TPX2: variants seen among roughly 807,000 people sequenced by gnomAD.
TPX2 encodes the protein targeting protein for Xklp2.
Under a neutral mutation model 93.6 loss-of-function variants are expected in TPX2, and 21 were observed. The ratio of observed to expected loss-of-function variants is 0.22; its 90% confidence interval spans 0.16 to 0.32. TPX2 has a LOEUF of 0.32. TPX2 is among the 10% of genes least tolerant of loss of function. The pLI is 1.00. For missense variants in TPX2, 776 were observed against 871.1 expected (o/e 0.89, Z 1.37); for synonymous variants, 281 against 298.3 (o/e 0.94, Z 0.60).
At chr20:31,797,108 G>T (rs2062143415) in intron 15 of TPX2, among the ~76,000 whole-genome samples, 1 of 146,762 alleles carries the variant, frequency 6.8e-6, no homozygotes, top group Non-Finnish European at 1.5e-5. Context: ...ATAATAATAA[G>T]AAAAATAAAT....
intron 11 of TPX2, 24 bp downstream of exon 11, chr20:31,782,414 A>C: frequency 6.3e-7 from 1 of 1,585,506 alleles, no homozygotes; most frequent in Non-Finnish European, 8.6e-7. Context: ...GCAGTATCTG[A>C]GGAAGAGTTC....
At chr20:31,787,316 GT>G (rs1190698573) in intron 12 of TPX2, among the ~76,000 whole-genome samples, 1 of 150,840 alleles carries the variant, frequency 6.6e-6, no homozygotes, top group Non-Finnish European at 1.5e-5. Flanking sequence ...GGCAAATGAG[GT>G]TTCTGAGTTT....
At chr20:31,743,726 G>GTTTT (rs557157321) in intron 2 of TPX2, among the ~76,000 whole-genome samples, 5 of 134,626 alleles carry the variant, frequency 3.7e-5, no homozygotes, top group African/African-American at 5.5e-5. Context: ...TACAGATGCA[G>GTTTT]TTTTTTTTTT....
At chr20:31,794,123 T>G (rs1279287488) in intron 14 of TPX2, 99 bp downstream of exon 14, 1 of 1,273,830 alleles carries the variant, frequency 7.9e-7, no homozygotes, top group East Asian at 2.4e-5. Flanking sequence ...CACTGACTTC[T>G]TTTGATCTTT....
intron 5 of TPX2, among the ~76,000 whole-genome samples, chr20:31,768,044 G>A (rs550922913): frequency 9.9e-5 from 15 of 151,286 alleles, no homozygotes; most frequent in African/African-American, 3.4e-4. Flanking sequence ...CAATCCTTCT[G>A]CCTTAGCCTC....
intron 2 of TPX2, among the ~76,000 whole-genome samples, chr20:31,755,883 G>A (rs999215506): frequency 3.3e-5 from 5 of 152,162 alleles, no homozygotes; most frequent in Admixed American, 6.5e-5. Context: ...TTAGGCTTGA[G>A]TAGGAGCTGA....
At chr20:31,782,881 TACACACATACAC>T (rs1243670335) in intron 11 of TPX2, among the ~76,000 whole-genome samples, 1 of 94,716 alleles carries the variant, frequency 1.1e-5, no homozygotes, top group Non-Finnish European at 2.1e-5. Context: ...GTCTTGCACA[TACACACATACAC>T]ACACACACAC....
chr20:31,788,701 C>G (rs1247442403), intron 12 of TPX2, among the ~76,000 whole-genome samples: 1 of 151,986 alleles, frequency 6.6e-6, no homozygotes, highest in African/African-American at 2.4e-5. Context: ...AAAAGGACTC[C>G]TGGGGCAGAG....
chr20:31,764,468 C>T (rs896894369), intron 4 of TPX2, among the ~76,000 whole-genome samples: 2 of 152,060 alleles, frequency 1.3e-5, no homozygotes, highest in Non-Finnish European at 2.9e-5. Context: ...GTGCCTGGCC[C>T]CACTTTAACA....
intron 7 of TPX2, among the ~76,000 whole-genome samples, chr20:31,772,809 A>G (rs978473470): frequency 6.6e-6 from 1 of 152,112 alleles, no homozygotes; most frequent in African/African-American, 2.4e-5. Flanking sequence ...CATGATTATA[A>G]GTACTCAGTC....
intron 5 of TPX2, among the ~76,000 whole-genome samples, chr20:31,769,411 C>G (rs190460872): frequency 9.9e-5 from 15 of 151,168 alleles, no homozygotes; most frequent in Non-Finnish European, 2.1e-4. Flanking sequence ...CTCCGCCTCC[C>G]GGGTTCACGC....
intron 17 of TPX2, among the ~76,000 whole-genome samples, chr20:31,800,357 A>G (rs1437617622): frequency 6.6e-6 from 1 of 152,078 alleles, no homozygotes; most frequent in African/African-American, 2.4e-5. Flanking sequence ...CCATTATAGA[A>G]CTGCTTCTTG....
chr20:31,794,015 G>C lies in TPX2; in HGVS notation c.1677G>C (p.Gln559His), dbSNP rs774434215. 1.9e-6 allele frequency: 3 copies of C among 1,611,144 alleles called. No individual in the cohort carries two copies. Among genetic ancestry groups the C allele is most frequent in the Admixed American group, 3.4e-5 (2 of 59,302 alleles). Residue 559 changes from glutamine (Q) to histidine (H), a missense_variant, in exon 14 of 18, where the codon CAG becomes CAC. Gln to His is a conservative substitution (Grantham distance 24). Transcript: ENST00000300403. ...AGGAGAAGAAAATAAAAGAACTGCAGAAAGGGGAGGTAGGTGTTTCCATTT... is the reference window on the plus strand; with the variant it reads ...AGGAGAAGAAAATAAAAGAACTGCACAAAGGGGAGGTAGGTGTTTCCATTT... ...LQKEKKIKEL[Q>H]KGEVPKFKAL...
intron 8 of TPX2, among the ~76,000 whole-genome samples, chr20:31,776,320 TC>T (rs1458803655): frequency 2.0e-5 from 3 of 151,848 alleles, no homozygotes; most frequent in Admixed American, 2.0e-4. Context: ...GACCTCATGA[TC>T]CACCCGCCTC....
At chr20:31,748,332 A>C (rs1052637278) in intron 2 of TPX2, among the ~76,000 whole-genome samples, 1 of 152,162 alleles carries the variant, frequency 6.6e-6, no homozygotes, top group Admixed American at 6.6e-5. Context: ...AACCCTCTTC[A>C]TAGTCTCTTT....
chr20:31,745,328 CTTTT>C (rs11458149), intron 2 of TPX2, among the ~76,000 whole-genome samples: 1 of 123,244 alleles, frequency 8.1e-6, no homozygotes, highest in Admixed American at 8.0e-5. Flanking sequence ...TAGGTAAACA[CTTTT>C]TTTTTTTTTT....
intron 5 of TPX2, among the ~76,000 whole-genome samples, chr20:31,767,982 A>G (rs1444937481): frequency 6.7e-6 from 1 of 150,308 alleles, no homozygotes; most frequent in East Asian, 1.9e-4. Flanking sequence ...CCCAGGCTGG[A>G]GTGCAATGGC....
chr20:31,772,019 CTT>C (rs397866298), intron 7 of TPX2, among the ~76,000 whole-genome samples: 14 of 125,224 alleles, frequency 1.1e-4, no homozygotes, highest in East Asian at 2.2e-4. Context: ...GCCTGGCTAA[CTT>C]TTTTTTTTTT....
chr20:31,797,470 T>C lies in TPX2; in HGVS notation c.1900T>C (p.Ser634Pro). The change falls in exon 16 of 18, where the codon TCT becomes CCT. Residue 634 changes from serine to proline, a missense_variant. By Grantham distance (74) the Ser-to-Pro change is moderately conservative. Transcript: ENST00000300403. ...CFKARPNTVI[S>P]QEPFVPKKEK... ...CAAGGCTCGTCCAAACACCGTCATC[T>C]CTCAGGAGCCCTTTGTTCCCAAGAA... The C allele has an allele frequency of 1.2e-6, 2 of 1,614,110 alleles. No individual in the cohort carries two copies. Among genetic ancestry groups the C allele is most frequent in the East Asian group, 2.2e-5 (1 of 44,870 alleles).
Sources: allele counts gnomAD v4.1 joint callset (sites outside exome capture counted in the v4.1 genomes callset), GRCh38; gene constraint gnomAD v4.1.1; transcripts MANE v1.5; gene names NCBI Gene and HGNC (gene_info 2026-07-23, HGNC 2026-07-21).